Variants in SAMD15 observed in about 807,000 individuals in gnomAD.
SAMD15 encodes sterile alpha motif domain-containing protein 15.
SAMD15 carries 37 observed loss-of-function variants against 50.5 expected under a neutral mutation model. The observed-to-expected ratio is 0.73, with a 90% CI of 0.56 to 0.96. SAMD15 has a LOEUF of 0.96. Among genes scored for constraint, SAMD15 ranks in the 40% least tolerant of loss-of-function variants. SAMD15 has a pLI of 0.00. For missense variants in SAMD15, 789 were observed against 783.8 expected (o/e 1.01, Z -0.08); for synonymous variants, 255 against 282.8 (o/e 0.90, Z 0.99).
At position 77,391,033 on chromosome 14, in the gene SAMD15, T is replaced by C; in HGVS notation, c.1814T>C (p.Leu605Pro). The C allele has an allele frequency of 6.2e-7, 1 of 1,612,868 alleles. No individual in the cohort carries two copies. ...MKAISRHTQELLEIEEPLFKR... is the reference protein window; with the variant it reads ...MKAISRHTQEPLEIEEPLFKR... ...GCAATTTCTCGGCATACGCAGGAGC[T>C]CCTGGAAATTGAAGAGCCATTATTC... Residue 605 changes from leucine to proline, a missense_variant, in exon 3 of 3, where the codon CTC (leucine) becomes CCC (proline). Around this residue, in one of 2 missense-constraint regions of SAMD15, gnomAD observed 770 missense variants for 745.4 expected, o/e 1.03. Transcript: ENST00000216471.
At chr14:77,384,857 C>T (rs1265472392) in intron 2 of SAMD15, among the ~76,000 whole-genome samples, 2 of 152,030 alleles carry the variant, frequency 1.3e-5, no homozygotes, top group African/African-American at 2.4e-5. Flanking sequence ...TATCTTATTT[C>T]GTATCTATCT....
At chr14:77,390,338 C>G (rs1447616064) in intron 2 of SAMD15, among the ~76,000 whole-genome samples, 1 of 151,968 alleles carries the variant, frequency 6.6e-6, no homozygotes, top group Non-Finnish European at 1.5e-5. Context: ...TAACTGAGCC[C>G]CATATAGACA....
chr14:77,381,012 TTCTC>T (rs982320103), intron 2 of SAMD15, among the ~76,000 whole-genome samples: 3 of 152,120 alleles, frequency 2.0e-5, no homozygotes, highest in Non-Finnish European at 4.4e-5. Flanking sequence ...TGGTGCGTTC[TTCTC>T]TCTATGTCTT....
chr14:77,391,308 T>A lies in SAMD15; in HGVS notation c.*64T>A. 9.4e-7 allele frequency: 1 copy of A among 1,069,068 alleles called. No homozygotes were observed. The highest frequency in any genetic ancestry group is 1.4e-6 in the Non-Finnish European group (1 of 723,732). 66.2% of individuals were successfully genotyped at this position (1,069,068 alleles called of 1,614,324 possible). A position where few individuals can be genotyped will look rare whatever the true frequency, so the allele number is the denominator to read the frequency against. On this transcript the variant is annotated 3_prime_UTR_variant, in exon 3 of 3. Transcript: ENST00000216471. The stretch of plus-strand genomic sequence containing the variant: ...ATTACTTGAGGGAAGAGGTATGGTC[T>A]TTTTTGGTTTTCTTTTTCTCCTTTT...
Position 77,391,032 on chromosome 14 carries a change from C to T in SAMD15, c.1813C>T (p.Leu605Phe), listed in dbSNP as rs200429320. The change falls in exon 3 of 3, where the codon CTC becomes TTC. Residue 605 changes from leucine to phenylalanine, a missense_variant. By Grantham distance (22) the Leu-to-Phe change is conservative (BLOSUM62 0). Around this residue, in one of 2 missense-constraint regions of SAMD15, gnomAD observed 770 missense variants for 745.4 expected, o/e 1.03. Coordinates refer to ENST00000216471, the MANE Select transcript of SAMD15 (RefSeq NM_001010860.4). ...GGCAATTTCTCGGCATACGCAGGAG[C>T]TCCTGGAAATTGAAGAGCCATTATT... ...MKAISRHTQE[L>F]LEIEEPLFKR... 46 of 1,612,552 alleles carry T rather than the reference C, an allele frequency of 2.9e-5. No individual in the cohort carries two copies. Among genetic ancestry groups the T allele is most frequent in the Non-Finnish European group, 3.6e-5 (43 of 1,179,218 alleles).
At chr14:77,380,516 G>C in intron 2 of SAMD15, 35 bp downstream of exon 2, 1 of 1,403,310 alleles carries the variant, frequency 7.1e-7, no homozygotes, top group Non-Finnish European at 1.0e-6. Flanking sequence ...ACAGAGCACT[G>C]TTAACAGTGC....
chr14:77,377,610 C>T lies in SAMD15; in HGVS notation c.192C>T (p.Phe64=). The change falls in exon 1 of 3, where the codon TTC becomes TTT. Residue 64 remains phenylalanine, a synonymous_variant. Coordinates refer to ENST00000216471, the MANE Select transcript of SAMD15 (RefSeq NM_001010860.4). ...EPQPETEEED[F]KEGEPDSAKN... ...AGCCAGAGACCGAGGAAGAGGACTT[C>T]AAAGAGGGGGAGCCAGACAGTGCTA... is the stretch of plus-strand genomic sequence containing the variant. 6.2e-7 allele frequency: 1 copy of T among 1,614,052 alleles called. No homozygotes were observed. Among genetic ancestry groups the T allele is most frequent in the Non-Finnish European group, 8.5e-7 (1 of 1,180,026 alleles).
intron 2 of SAMD15, among the ~76,000 whole-genome samples, chr14:77,387,487 C>T (rs999750112): frequency 6.6e-6 from 1 of 152,080 alleles, no homozygotes; most frequent in African/African-American, 2.4e-5. Flanking sequence ...CAATCTTTCA[C>T]CTGTCAGAGG....
At chr14:77,382,537 G>A (rs1384754583) in intron 2 of SAMD15, among the ~76,000 whole-genome samples, 1 of 152,132 alleles carries the variant, frequency 6.6e-6, no homozygotes, top group Non-Finnish European at 1.5e-5. Flanking sequence ...TGGGATTATA[G>A]GCATGAGCCA....
rs144541046 is a variant in SAMD15 at position 77,378,041 on chromosome 14, C to T, written c.623C>T (p.Pro208Leu). 26 of 1,613,912 alleles carry T rather than the reference C, an allele frequency of 1.6e-5. No homozygotes were observed. The highest frequency in any genetic ancestry group is 2.2e-5 in the Non-Finnish European group (26 of 1,180,004). ...RVQHEETGLEPPEQTKQDFPS... is the reference protein window; with the variant it reads ...RVQHEETGLELPEQTKQDFPS... ...CAACATGAAGAGACAGGTCTAGAGC[C>T]TCCAGAGCAGACCAAACAAGATTTT... The change falls in exon 1 of 3, where the codon CCT (proline) becomes CTT (leucine). Residue 208 changes from proline (P) to leucine (L), a missense_variant. By Grantham distance (98) the Pro-to-Leu change is moderately conservative (BLOSUM62 -3). Coordinates refer to ENST00000216471, the MANE Select transcript of SAMD15 (RefSeq NM_001010860.4).
At chr14:77,384,433 CCATT>C (rs1893982086) in intron 2 of SAMD15, among the ~76,000 whole-genome samples, 1 of 152,104 alleles carries the variant, frequency 6.6e-6, no homozygotes, top group Non-Finnish European at 1.5e-5. Context: ...ATTTTTTAAT[CCATT>C]CAGTCATTGA....
chr14:77,378,319 G>C lies in SAMD15; in HGVS notation c.901G>C (p.Gly301Arg). The C allele has an allele frequency of 6.2e-7, 1 of 1,611,822 alleles. No individual in the cohort carries two copies. Among genetic ancestry groups the C allele is most frequent in the Non-Finnish European group, 8.5e-7 (1 of 1,179,522 alleles). The stretch of plus-strand genomic sequence containing the variant: ...GCAAAGAAAGGCAACTGAGGAGAAA[G>C]GGACAGAACTACCTGAGCGGACTAA... The part of the protein sequence containing the change: ...EMQRKATEEK[G>R]TELPERTKPD... The change falls in exon 1 of 3, where the codon GGG becomes CGG. Residue 301 changes from glycine to arginine, a missense_variant. Physicochemically the swap from Gly to Arg is moderately radical, Grantham distance 125 (BLOSUM62 -2). Transcript: ENST00000216471.
In SAMD15 at chr14:77,378,701, T is replaced by G; in HGVS notation, c.1283T>G (p.Ile428Arg). The change falls in exon 1 of 3, where the codon ATA becomes AGA. Residue 428 changes from isoleucine (I) to arginine (R), a missense_variant. Transcript: ENST00000216471. ...TCCAAGGAAGACAGGCCAGAACCAA[T>G]AAAGTCTAAGTATTCTGTAGGAAAC... ...EFSKEDRPEPIKSKYSVGNDE... is the reference protein window; with the variant it reads ...EFSKEDRPEPRKSKYSVGNDE... The G allele has an allele frequency of 6.2e-7, 1 of 1,613,960 alleles. No individual in the cohort carries two copies. Among genetic ancestry groups the G allele is most frequent in the Non-Finnish European group, 8.5e-7 (1 of 1,179,980 alleles).
intron 2 of SAMD15, among the ~76,000 whole-genome samples, chr14:77,384,905 G>A (rs898459604): frequency 6.6e-6 from 1 of 152,064 alleles, no homozygotes; most frequent in African/African-American, 2.4e-5. Context: ...CATGGGGGCC[G>A]GGCGTGGTGG....
rs1268389578 is a variant in SAMD15, at chr14:77,378,082, G to A, written c.664G>A (p.Gly222Arg). 6.2e-7 allele frequency: 1 copy of A among 1,613,868 alleles called. No homozygotes were observed. Among genetic ancestry groups the A allele is most frequent in the South Asian group, 1.1e-5 (1 of 91,076 alleles). The change falls in exon 1 of 3, where the codon GGA becomes AGA. Residue 222 changes from glycine to arginine, a missense_variant. Coordinates refer to ENST00000216471, the MANE Select transcript of SAMD15 (RefSeq NM_001010860.4). ...TKQDFPSEKL[G>R]ESLEETDLQP... ...ACAAGATTTTCCAAGTGAGAAACTA[G>A]GAGAATCACTTGAAGAGACAGATCT...
chr14:77,390,464 A>G (rs1894059564), intron 2 of SAMD15, among the ~76,000 whole-genome samples: 1 of 152,198 alleles, frequency 6.6e-6, no homozygotes, highest in Non-Finnish European at 1.5e-5. Flanking sequence ...ATCCATGGCC[A>G]TCTGATGCAA....
chr14:77,379,446 C>T (rs1253046863), intron 1 of SAMD15, among the ~76,000 whole-genome samples: 1 of 151,504 alleles, frequency 6.6e-6, no homozygotes, highest in African/African-American at 2.4e-5. Context: ...TGCAGTGGCA[C>T]GATCTCGGCT....
In SAMD15 at chr14:77,377,977, G is replaced by A; in HGVS notation, c.559G>A (p.Glu187Lys). 1 of 1,614,060 alleles carries A rather than the reference G, an allele frequency of 6.2e-7. No homozygotes were observed. Among genetic ancestry groups the A allele is most frequent in the Non-Finnish European group, 8.5e-7 (1 of 1,180,024 alleles). The change falls in exon 1 of 3, where the codon GAG becomes AAG. Residue 187 changes from glutamate to lysine, a missense_variant. By Grantham distance (56) the Glu-to-Lys change is moderately conservative. This residue lies in a region of SAMD15 where 770 missense variants were observed against 745.4 expected (regional missense o/e 1.03). Transcript: ENST00000216471. Reference sequence around the variant, plus strand: ...GAGAAATTTAGAATTACTAGAGGAGGAGACTGAACCGGGGGTTCCAGAGGA... The same window carrying A: ...GAGAAATTTAGAATTACTAGAGGAGAAGACTGAACCGGGGGTTCCAGAGGA... ...RERNLELLEEETEPGVPEESL... is the reference protein window; with the variant it reads ...RERNLELLEEKTEPGVPEESL...
chr14:77,385,872 A>T (rs1471092540), intron 2 of SAMD15, among the ~76,000 whole-genome samples: 1 of 134,048 alleles, frequency 7.5e-6, no homozygotes, highest in African/African-American at 3.1e-5. Context: ...TTTTGAGGCA[A>T]GGTCTTGCTC....
Sources: gnomAD v4.1 joint callset for allele counts (sites outside exome capture counted in the v4.1 genomes callset) on GRCh38, gnomAD v4.1.1 for gene constraint, gnomAD v4.1.1 regional missense constraint, MANE v1.5 for transcripts, NCBI Gene and HGNC (gene_info 2026-07-23, HGNC 2026-07-21) for gene names.